NRAP: variants seen among roughly 807,000 people sequenced by gnomAD.
NRAP encodes the protein nebulin-related-anchoring protein.
A neutral mutation model predicts 225.9 loss-of-function variants in NRAP; 189 were observed. The observed-to-expected ratio is 0.84, with a 90% CI of 0.74 to 0.94. The LOEUF (loss-of-function observed/expected upper bound fraction) is 0.94. NRAP is among the 40% of genes least tolerant of loss of function. NRAP has a pLI of 0.00. For synonymous variants in NRAP, 769 were observed against 790.7 expected (o/e 0.97, Z 0.46); for missense variants, 2,176 against 2,168.7 (o/e 1.00, Z -0.07).
chr10:113,606,455 T>C (rs751760332), intron 32 of NRAP, among the ~76,000 whole-genome samples, 173 bp from the exon 33 acceptor site: 16 of 152,224 alleles, frequency 1.1e-4, no homozygotes, highest in East Asian at 1.9e-4. Flanking sequence ...AAGACAATCA[T>C]TCAGGAGTCA....
intron 3 of NRAP, among the ~76,000 whole-genome samples, chr10:113,661,742 C>T (rs1850692430): frequency 6.6e-6 from 1 of 152,158 alleles, no homozygotes; most frequent in African/African-American, 2.4e-5. Context: ...CCCATCTCAA[C>T]CCCACACGTC....
At chr10:113,637,086 T>C (rs1224800321) in intron 14 of NRAP, among the ~76,000 whole-genome samples, 1 of 152,106 alleles carries the variant, frequency 6.6e-6, no homozygotes, top group Non-Finnish European at 1.5e-5. Context: ...GGCTACTAAC[T>C]TGTATACTCC....
intron 11 of NRAP, among the ~76,000 whole-genome samples, chr10:113,644,785 C>T (rs984790788): frequency 6.6e-6 from 1 of 152,138 alleles, no homozygotes; most frequent in East Asian, 1.9e-4. Context: ...AGGTTAGAGA[C>T]GGAAAATATT....
Position 113,626,050 on chromosome 10 carries a change from G to A in NRAP, c.2241C>T (p.Ser747=), listed in dbSNP as rs117385415. The change falls in exon 21 of 42, where the codon AGC becomes AGT. Residue 747 remains serine, a synonymous_variant. Transcript: ENST00000359988. ...GAAAGGGCAGCCCAGGACTCACCCC[G>A]CTCTGTAGCTCCTGGCTCTTCTTGG... ...EHAKKSQELQ[S]GVAYKAGNEQ... is the part of the protein sequence containing the mutation. 1,628 of 1,608,494 alleles carry A rather than the reference G, an allele frequency of 1.0e-3. 17 individuals are homozygous for A. The East Asian group carries it at 0.012, about 12-fold the overall frequency.
At chr10:113,595,390 G>T (rs1846228928) in intron 38 of NRAP, among the ~76,000 whole-genome samples, 1 of 147,946 alleles carries the variant, frequency 6.8e-6, no homozygotes, top group East Asian at 2.0e-4. Flanking sequence ...TTTAGAGCTG[G>T]AAAGAATCTC....
chr10:113,651,406 C>A (rs1029234719), intron 7 of NRAP, among the ~76,000 whole-genome samples: 8 of 152,092 alleles, frequency 5.3e-5, no homozygotes, highest in African/African-American at 1.7e-4. Context: ...TAAATGTGTG[C>A]CATGGTGGTT....
Position 113,664,037 on chromosome 10 carries a change from C to A in NRAP, c.-155G>T, listed in dbSNP as rs1333712124. On this transcript the variant is annotated 5_prime_UTR_variant, in exon 1 of 42. The change creates a new upstream start codon in the 5' untranslated region. Transcript: ENST00000359988. ...CCAACTTCCACTTTCCTTTGCTGAC[C>A]TTCTAGTTTGAAGTCAGCAGTTGGA... The A allele has an allele frequency of 1.6e-6, 1 of 631,838 alleles. No homozygotes were observed. Among genetic ancestry groups the A allele is most frequent in the Non-Finnish European group, 2.8e-6 (1 of 352,446 alleles). 39.1% of individuals were successfully genotyped at this position (631,838 alleles called of 1,614,324 possible).
In NRAP at chr10:113,592,232, AG is replaced by A; in HGVS notation, c.4605del (p.Phe1536SerfsTer39). On this transcript the variant is annotated frameshift_variant, in exon 39 of 42. Transcript: ENST00000359988. LOFTEE classifies it high-confidence loss of function. ...GSYDFRLDAI[P>X]FQTARASREI... is the part of the protein sequence containing the mutation. ...TCCCTAGATGCCCGGGCAGTCTGGA[AG>A]GGGATGGCATCCAGCCTGAAGTCAT... is the stretch of plus-strand genomic sequence containing the variant. 2 of 1,612,236 alleles carry A rather than the reference AG, an allele frequency of 1.2e-6. No individual in the cohort carries two copies. The highest frequency in any genetic ancestry group is 1.7e-6 in the Non-Finnish European group (2 of 1,178,904).
chr10:113,632,430 A>G (rs1013544006), intron 16 of NRAP, among the ~76,000 whole-genome samples: 2 of 152,238 alleles, frequency 1.3e-5, no homozygotes, highest in African/African-American at 4.8e-5. Context: ...ATTTCTACTC[A>G]TTAACCACAA....
At chr10:113,628,305 A>C (rs1848394323) in intron 20 of NRAP, among the ~76,000 whole-genome samples, 1 of 152,164 alleles carries the variant, frequency 6.6e-6, no homozygotes, top group Non-Finnish European at 1.5e-5. Context: ...CTCCTGCCTC[A>C]GCCTCCTGAG....
chr10:113,663,434 CT>C lies in NRAP; in HGVS notation c.84del (p.Ala29ProfsTer10). 6.2e-7 allele frequency: 1 copy of C among 1,601,560 alleles called. No individual in the cohort carries two copies. The highest frequency in any genetic ancestry group is 8.6e-7 in the Non-Finnish European group (1 of 1,168,606). ...TTGCAAACTTCACAGTGAAAACAGGCTTTATGCCATATCTAGAAATCATATA... is the reference window on the plus strand; with the variant it reads ...TTGCAAACTTCACAGTGAAAACAGGCTTATGCCATATCTAGAAATCATATA... The part of the protein sequence containing the change: ...KISCIDQIWH[K>X]ACFHCEVCKM... On this transcript the variant is annotated frameshift_variant, in exon 2 of 42. Transcript: ENST00000359988. LOFTEE classifies it high-confidence loss of function.
chr10:113,620,719 A>AAG lies in NRAP; in HGVS notation c.2770-12_2770-11insCT. On this transcript the variant is annotated splice_polypyrimidine_tract_variant and intron_variant, in intron 24 of 41. Coordinates refer to ENST00000359988, the MANE Select transcript of NRAP (RefSeq NM_198060.4). ...TGCCCTGTATTGGTTCTGACAAAGG[A>AAG]GAAAGAAAAAAAAAAAAAGCAGGCC... 1.3e-6 allele frequency: 2 copies of AAG among 1,562,056 alleles called. No individual in the cohort carries two copies. Among genetic ancestry groups the AAG allele is most frequent in the Non-Finnish European group, 1.8e-6 (2 of 1,137,162 alleles).
chr10:113,663,886 G>T lies in NRAP; in HGVS notation c.-4C>A. The T allele has an allele frequency of 6.2e-7, 1 of 1,612,226 alleles. No individual in the cohort carries two copies. Among genetic ancestry groups the T allele is most frequent in the Admixed American group, 1.7e-5 (1 of 60,002 alleles). On this transcript the variant is annotated 5_prime_UTR_variant, in exon 1 of 42. Coordinates refer to ENST00000359988, the MANE Select transcript of NRAP (RefSeq NM_198060.4). ...TAGAACAGGGCTGCACATTCATCTCGAAGCCGGAAGAGAGAGGACAAAGAT... is the reference window on the plus strand; with the variant it reads ...TAGAACAGGGCTGCACATTCATCTCTAAGCCGGAAGAGAGAGGACAAAGAT...
intron 4 of NRAP, among the ~76,000 whole-genome samples, chr10:113,654,507 CAAAAAA>C (rs56238053): frequency 2.3e-5 from 3 of 128,684 alleles, no homozygotes. Flanking sequence ...GCAATAAAAG[CAAAAAA>C]AAAAAAAAAA....
At chr10:113,641,894 C>T (rs1849226607) in intron 12 of NRAP, among the ~76,000 whole-genome samples, 1 of 152,176 alleles carries the variant, frequency 6.6e-6, no homozygotes, top group Non-Finnish European at 1.5e-5. Context: ...ACCTCCATTT[C>T]TAAATATATG....
intron 25 of NRAP, among the ~76,000 whole-genome samples, chr10:113,617,822 C>CT (rs759189523): frequency 1.1e-3 from 162 of 152,288 alleles, no homozygotes; most frequent in Non-Finnish European, 2.0e-3. Flanking sequence ...CTGTAGGATA[C>CT]ACACTTAGAA....
intron 12 of NRAP, among the ~76,000 whole-genome samples, chr10:113,642,572 G>T (rs1849269792): frequency 6.6e-6 from 1 of 152,122 alleles, no homozygotes; most frequent in African/African-American, 2.4e-5. Context: ...GGTGAAATGA[G>T]GTCATATTAA....
chr10:113,649,147 G>A (rs1434597712), intron 9 of NRAP, among the ~76,000 whole-genome samples: 1 of 152,104 alleles, frequency 6.6e-6, no homozygotes, highest in Admixed American at 6.6e-5. Flanking sequence ...TTTTTGCTCT[G>A]GCAGACATTT....
chr10:113,623,520 C>G lies in NRAP; in HGVS notation c.2457+9G>C. 6.3e-7 allele frequency: 1 copy of G among 1,592,868 alleles called. No individual in the cohort carries two copies. ...TGCGGTCTCTTGTACAAGGTGGGGA[C>G]AGACTCACCTCGCTAGCCAGGTCCC... is the stretch of plus-strand genomic sequence containing the variant. On this transcript the variant is annotated intron_variant, in intron 23 of 41. Coordinates refer to ENST00000359988, the MANE Select transcript of NRAP (RefSeq NM_198060.4).
Sources: gnomAD v4.1 joint callset for allele counts (sites outside exome capture counted in the v4.1 genomes callset) on GRCh38, gnomAD v4.1.1 for gene constraint, MANE v1.5 for transcripts, NCBI Gene and HGNC (gene_info 2026-07-23, HGNC 2026-07-21) for gene names.